Variants in MGA observed in about 807,000 individuals in gnomAD.
MGA encodes the protein MAX gene-associated protein.
A neutral mutation model predicts 261.1 loss-of-function variants in MGA; 40 were observed. The observed-to-expected ratio is 0.15, with a 90% CI of 0.12 to 0.20. The LOEUF is 0.20. MGA is among the 10% of genes least tolerant of loss of function. MGA has a pLI of 1.00. For synonymous variants in MGA, 1,302 were observed against 1,290.6 expected, an observed-to-expected ratio of 1.01 and a Z score of -0.19; for missense variants, 3,397 against 3,630.5, an observed-to-expected ratio of 0.94 and a Z score of 1.65.
intron 9 of MGA, 123 bp from the exon 10 acceptor site, chr15:41,727,057 C>T (rs898983695): frequency 1.7e-5 from 11 of 665,464 alleles, no homozygotes; most frequent in African/African-American, 1.3e-4. Context: ...AGGGGGTCGT[C>T]TATTTGATTA....
chr15:41,745,865 C>T (rs1423777435), intron 15 of MGA, among the ~76,000 whole-genome samples: 1 of 152,198 alleles, frequency 6.6e-6, no homozygotes, highest in East Asian at 1.9e-4. Flanking sequence ...CTTGGCCCCA[C>T]AAAGTGCTGG....
At chr15:41,725,886 C>T (rs1044465330) in intron 9 of MGA, among the ~76,000 whole-genome samples, 2 of 148,504 alleles carry the variant, frequency 1.3e-5, no homozygotes, top group African/African-American at 4.9e-5. Context: ...ATAAGTAAAC[C>T]CAGGAGCCTC....
chr15:41,749,954 A>G lies in MGA; in HGVS notation c.6347A>G (p.Gln2116Arg). 1 of 1,613,464 alleles carries G rather than the reference A, an allele frequency of 6.2e-7. No homozygotes were observed. Among genetic ancestry groups the G allele is most frequent in the Non-Finnish European group, 8.5e-7 (1 of 1,179,758 alleles). ...AAACTTGGTGATGTGAAGGTGGAAC[A>G]GCAGAAAGGATTTGACAATCCAGAA... The change falls in exon 17 of 24, where the codon CAG (glutamine) becomes CGG (arginine). Residue 2116 changes from glutamine (Q) to arginine (R), a missense_variant. Transcript: ENST00000219905.
chr15:41,699,070 G>C lies in MGA; in HGVS notation c.2099G>C (p.Arg700Thr). The C allele has an allele frequency of 1.2e-6, 2 of 1,610,508 alleles. No homozygotes were observed. Among genetic ancestry groups the C allele is most frequent in the Non-Finnish European group, 8.5e-7 (1 of 1,178,214 alleles). ...CTATTTATTTTGGGTGTAGGTTACA[G>C]AGCAAGAATTTCCCAGTTGGAAAAG... The change falls in exon 5 of 24, where the codon AGA (arginine) becomes ACA (threonine). Residue 700 changes from arginine to threonine, a missense_variant. Coordinates refer to ENST00000219905, the MANE Select transcript of MGA (RefSeq NM_001164273.2).
chr15:41,676,833 C>G (rs1158240939), intron 2 of MGA, among the ~76,000 whole-genome samples: 1 of 152,102 alleles, frequency 6.6e-6, no homozygotes, highest in Non-Finnish European at 1.5e-5. Flanking sequence ...CCATTTATAT[C>G]CCTACCCATA....
intron 3 of MGA, among the ~76,000 whole-genome samples, chr15:41,698,360 G>T (rs1449981009): frequency 6.7e-6 from 1 of 148,222 alleles, no homozygotes; most frequent in Non-Finnish European, 1.5e-5. Context: ...TAGAGACAGG[G>T]TTTCACCATG....
chr15:41,646,124 T>C (rs2056929001), intron 1 of MGA, among the ~76,000 whole-genome samples: 1 of 152,154 alleles, frequency 6.6e-6, no homozygotes, highest in African/African-American at 2.4e-5. Context: ...GAAAATAAAC[T>C]GAAAAAGTTT....
chr15:41,703,368 A>ACCCCCCCCCCCCCCCCC (rs71108121), intron 5 of MGA, among the ~76,000 whole-genome samples: 1 of 93,248 alleles, frequency 1.1e-5, no homozygotes, highest in African/African-American at 4.0e-5. Context: ...TTGTGAAGTT[A>ACCCCCCCCCCCCCCCCC]CCCCCCCCCC....
At chr15:41,761,291 A>G (rs1178293561) in intron 20 of MGA, among the ~76,000 whole-genome samples, 1 of 152,226 alleles carries the variant, frequency 6.6e-6, no homozygotes, top group Non-Finnish European at 1.5e-5. Context: ...CAGAAGTTTT[A>G]ATTTTGCATG....
intron 1 of MGA, among the ~76,000 whole-genome samples, chr15:41,653,539 C>G (rs1432716898): frequency 6.6e-6 from 1 of 151,702 alleles, no homozygotes; most frequent in East Asian, 1.9e-4. Context: ...GACCCCATCT[C>G]TACGTTAAAA....
intron 2 of MGA, chr15:41,691,729 C>T (rs1448736036): frequency 1.1e-5 from 4 of 380,296 alleles, no homozygotes; most frequent in Non-Finnish European, 5.9e-6. Context: ...TCATGATTGG[C>T]GGTAAAGTAT....
In MGA at chr15:41,768,681, A is replaced by G. The variant is rs535914093; in HGVS notation, c.*1401A>G. On this transcript the variant is annotated 3_prime_UTR_variant, in exon 24 of 24. Coordinates refer to ENST00000219905, the MANE Select transcript of MGA (RefSeq NM_001164273.2). ...TTGCTTGTGTTGTTAAAACACTAAC[A>G]CAAGAGCTTCCAGTGCCTGGGCCGT... 2 of 152,768 alleles carry G rather than the reference A, an allele frequency of 1.3e-5. No homozygotes were observed. The highest frequency in any genetic ancestry group is 4.8e-5 in the African/African-American group (2 of 41,576). The allele number at this position is 152,768 out of a possible 1,614,324, so 9.5% of individuals were successfully genotyped here.
chr15:41,622,300 A>G (rs961347200), intron 1 of MGA, among the ~76,000 whole-genome samples: 2 of 151,950 alleles, frequency 1.3e-5, no homozygotes, highest in Non-Finnish European at 2.9e-5. Context: ...ATCACCTTTT[A>G]AGGTCCCTCA....
chr15:41,753,860 GA>G (rs2062990628), intron 17 of MGA, among the ~76,000 whole-genome samples: 1 of 152,148 alleles, frequency 6.6e-6, no homozygotes, highest in Admixed American at 6.6e-5. Context: ...AAATAACACT[GA>G]AGCATCAGTG....
Position 41,769,033 on chromosome 15 carries a change from A to G in MGA, c.*1753A>G, listed in dbSNP as rs2063930683. On this transcript the variant is annotated 3_prime_UTR_variant, in exon 24 of 24. Transcript: ENST00000219905. ...GGTAAAGAGTGCTCCTCAGCTTCTTATCCTTCCACTCTTTACCCAGCAGAT... is the reference window on the plus strand; with the variant it reads ...GGTAAAGAGTGCTCCTCAGCTTCTTGTCCTTCCACTCTTTACCCAGCAGAT... 1 of 152,626 alleles carries G rather than the reference A, an allele frequency of 6.6e-6. No individual in the cohort carries two copies. The highest frequency in any genetic ancestry group is 1.5e-5 in the Non-Finnish European group (1 of 68,054). 9.5% of individuals were successfully genotyped at this position (152,626 alleles called of 1,614,324 possible).
At chr15:41,732,614 C>G (rs960271542) in intron 11 of MGA, among the ~76,000 whole-genome samples, 1 of 152,148 alleles carries the variant, frequency 6.6e-6, no homozygotes, top group Non-Finnish European at 1.5e-5. Context: ...GTATTTTAGT[C>G]CATTTAAATG....
At chr15:41,761,956 GT>G in intron 21 of MGA, 106 bp downstream of exon 21, 1 of 1,042,158 alleles carries the variant, frequency 9.6e-7, no homozygotes, top group Non-Finnish European at 1.4e-6. Context: ...GGCTCCCACA[GT>G]TTACAGCACA....
At position 41,696,085 on chromosome 15, in the gene MGA, A is replaced by G. The variant is rs1275153660; in HGVS notation, c.1075A>G (p.Ser359Gly). 1 of 1,606,444 alleles carries G rather than the reference A, an allele frequency of 6.2e-7. No homozygotes were observed. The highest frequency in any genetic ancestry group is 8.5e-7 in the Non-Finnish European group (1 of 1,175,820). Residue 359 changes from serine to glycine, a missense_variant, in exon 3 of 24, where the codon AGC becomes GGC. This residue lies in a region of MGA where 563 missense variants were observed against 563.6 expected (regional missense o/e 1.00). Coordinates refer to ENST00000219905, the MANE Select transcript of MGA (RefSeq NM_001164273.2). The stretch of plus-strand genomic sequence containing the variant: ...CCTCTCTCTCTCCAGTCTTATTGCC[A>G]GCAGTTTTGAAGATGACTCCCGTGT...
chr15:41,651,930 C>T, intron 1 of MGA, among the ~76,000 whole-genome samples: 1 of 77,990 alleles, frequency 1.3e-5, no homozygotes, highest in African/African-American at 5.1e-5. Context: ...CCTTCCTCTC[C>T]CTCCCCCCGT....
Sources: allele counts gnomAD v4.1 joint callset (sites outside exome capture counted in the v4.1 genomes callset), GRCh38; gene constraint gnomAD v4.1.1; regional missense constraint gnomAD v4.1.1; transcripts MANE v1.5; gene names NCBI Gene and HGNC (gene_info 2026-07-23, HGNC 2026-07-21).